Variants in SMC5 observed in about 807,000 individuals in gnomAD.
SMC5 encodes the protein structural maintenance of chromosomes protein 5.
Under a neutral mutation model 148.3 loss-of-function variants are expected in SMC5, and 88 were observed. The observed-to-expected ratio is 0.59, with a 90% CI of 0.50 to 0.71. The LOEUF (loss-of-function observed/expected upper bound fraction) is 0.71. SMC5 is among the 30% of genes least tolerant of loss of function. The pLI is 0.00. For synonymous variants in SMC5, 421 were observed against 432.8 expected (o/e 0.97, Z 0.34); for missense variants, 1,142 against 1,298.9 (o/e 0.88, Z 1.86).
chr9:70,344,185 G>A lies in SMC5; in HGVS notation c.2439G>A (p.Leu813=). The A allele has an allele frequency of 6.4e-7, 1 of 1,556,140 alleles. No homozygotes were observed. The highest frequency in any genetic ancestry group is 8.7e-7 in the Non-Finnish European group (1 of 1,149,290). ...TGGATGAAAATAGACAGAGATTATTGCAGAAATGCAAGGAACTTATGAAAA... is the reference window on the plus strand; with the variant it reads ...TGGATGAAAATAGACAGAGATTATTACAGAAATGCAAGGAACTTATGAAAA... The part of the protein sequence containing the change: ...IELDENRQRL[L]QKCKELMKRA... The change falls in exon 18 of 25, where the codon TTG becomes TTA. Residue 813 remains leucine (L), a synonymous_variant. Coordinates refer to ENST00000361138, the MANE Select transcript of SMC5 (RefSeq NM_015110.4).
At chr9:70,300,884 C>T (rs1564042822) in intron 10 of SMC5, among the ~76,000 whole-genome samples, 2 of 152,022 alleles carry the variant, frequency 1.3e-5, no homozygotes, top group Non-Finnish European at 2.9e-5. Flanking sequence ...CCTAAGATTA[C>T]ATAAGGATTA....
At chr9:70,323,382 G>A (rs2035996029) in intron 15 of SMC5, 101 bp from the exon 16 acceptor site, 1 of 1,169,810 alleles carries the variant, frequency 8.5e-7, no homozygotes, top group South Asian at 1.8e-5. Context: ...TATCTGAAAA[G>A]TATTGCTAAA....
intron 4 of SMC5, among the ~76,000 whole-genome samples, chr9:70,278,123 G>A (rs1039041870): frequency 6.6e-6 from 1 of 152,010 alleles, no homozygotes; most frequent in African/African-American, 2.4e-5. Context: ...ATCTCCAGAA[G>A]TAGATGTTTG....
intron 3 of SMC5, among the ~76,000 whole-genome samples, chr9:70,269,432 A>G (rs1469108735): frequency 6.6e-6 from 1 of 152,042 alleles, no homozygotes; most frequent in African/African-American, 2.4e-5. Flanking sequence ...AAATACAAAA[A>G]TTAGCCAGGC....
intron 11 of SMC5, chr9:70,311,217 CTCT>C (rs1339717352): frequency 2.0e-5 from 3 of 152,132 alleles, no homozygotes; most frequent in African/African-American, 7.2e-5. Flanking sequence ...AAACCTGTGA[CTCT>C]TCTTTTCACC....
chr9:70,283,971 G>A (rs1253686123), intron 7 of SMC5, among the ~76,000 whole-genome samples: 2 of 152,136 alleles, frequency 1.3e-5, no homozygotes, highest in East Asian at 1.9e-4. Context: ...GGAGCTCTTC[G>A]ATTTCTAGAT....
At chr9:70,334,808 A>G (rs184860745) in intron 17 of SMC5, among the ~76,000 whole-genome samples, 111 of 152,324 alleles carry the variant, frequency 7.3e-4, no homozygotes, top group African/African-American at 2.5e-3. Flanking sequence ...CACCGTACTA[A>G]AGGAAGTATA....
chr9:70,270,162 G>A (rs2034404608), intron 3 of SMC5, among the ~76,000 whole-genome samples: 1 of 152,186 alleles, frequency 6.6e-6, no homozygotes, highest in Non-Finnish European at 1.5e-5. Flanking sequence ...CCAACCAGCT[G>A]TAAATTGAGG....
intron 20 of SMC5, among the ~76,000 whole-genome samples, chr9:70,347,384 G>T (rs2036691321): frequency 6.6e-6 from 1 of 152,110 alleles, no homozygotes; most frequent in African/African-American, 2.4e-5. Flanking sequence ...AATGTTCTGT[G>T]CCTTTTCTTT....
chr9:70,335,836 C>T (rs969862304), intron 17 of SMC5, among the ~76,000 whole-genome samples: 5 of 151,740 alleles, frequency 3.3e-5, no homozygotes, highest in African/African-American at 1.2e-4. Flanking sequence ...AAATGAGTTA[C>T]CAAAAAAAAA....
chr9:70,299,478 A>G (rs1239348152), intron 9 of SMC5, among the ~76,000 whole-genome samples: 1 of 151,826 alleles, frequency 6.6e-6, no homozygotes, highest in Non-Finnish European at 1.5e-5. Flanking sequence ...CATGGTTATC[A>G]TTTGTAATTT....
At chr9:70,263,780 T>G (rs891906673) in intron 1 of SMC5, among the ~76,000 whole-genome samples, 1 of 152,226 alleles carries the variant, frequency 6.6e-6, no homozygotes, top group East Asian at 1.9e-4. Flanking sequence ...CCATGGTGCC[T>G]GGCTTGGAAA....
At chr9:70,284,133 C>T (rs2034832511) in intron 7 of SMC5, among the ~76,000 whole-genome samples, 1 of 152,136 alleles carries the variant, frequency 6.6e-6, no homozygotes, top group African/African-American at 2.4e-5. Flanking sequence ...GGAAATGAAT[C>T]AACAGTTTTG....
At chr9:70,327,717 A>T (rs1311080912) in intron 17 of SMC5, among the ~76,000 whole-genome samples, 1 of 152,210 alleles carries the variant, frequency 6.6e-6, no homozygotes, top group Admixed American at 6.5e-5. Flanking sequence ...AATGAATCGG[A>T]TTACATTAGT....
intron 3 of SMC5, 23 bp from the exon 4 acceptor site, chr9:70,277,287 T>G (rs1428277951): frequency 4.8e-6 from 7 of 1,454,006 alleles, no homozygotes; most frequent in East Asian, 2.6e-5. Context: ...AATATAAAGA[T>G]TCTTAAATTA....
At chr9:70,277,854 CTATATT>C (rs140021630) in intron 4 of SMC5, among the ~76,000 whole-genome samples, 7,196 of 151,640 alleles carry the variant, frequency 0.047, 191 homozygotes, top group Non-Finnish European at 0.063. Context: ...AATAAAACTC[CTATATT>C]TATAAGTATA....
At chr9:70,327,494 C>T (rs1325194536) in intron 17 of SMC5, among the ~76,000 whole-genome samples, 1 of 151,566 alleles carries the variant, frequency 6.6e-6, no homozygotes, top group African/African-American at 2.4e-5. Flanking sequence ...GAAAATATGT[C>T]TAAATGCACA....
chr9:70,300,884 C>A (rs1564042822), intron 10 of SMC5, among the ~76,000 whole-genome samples: 1 of 152,022 alleles, frequency 6.6e-6, no homozygotes, highest in Admixed American at 6.5e-5. Context: ...CCTAAGATTA[C>A]ATAAGGATTA....
chr9:70,344,750 G>A (rs1039033082), intron 18 of SMC5: 13 of 152,154 alleles, frequency 8.5e-5, no homozygotes, highest in African/African-American at 3.1e-4. Flanking sequence ...ATTAGGAGAT[G>A]CTGCCCTTTA....
Sources: allele counts gnomAD v4.1 joint callset (sites outside exome capture counted in the v4.1 genomes callset), GRCh38; gene constraint gnomAD v4.1.1; transcripts MANE v1.5; gene names NCBI Gene and HGNC (gene_info 2026-07-23, HGNC 2026-07-21).